The following KIRREL3 variants were observed in gnomAD, a reference collection of about 807,000 sequenced individuals.
KIRREL3 encodes kirre like nephrin family adhesion molecule 3, also known as kin of IRRE-like protein 3.
KIRREL3 carries 36 observed loss-of-function variants against 89.7 expected under a neutral mutation model. That is an observed-to-expected ratio of 0.40 (90% CI 0.31 to 0.53). The LOEUF is 0.53. Ranked by LOEUF, KIRREL3 falls within the 20% of genes least tolerant of loss-of-function variation. The pLI is 0.49. For synonymous variants in KIRREL3, 445 were observed against 441.4 expected, an observed-to-expected ratio of 1.01 and a Z score of -0.10; for missense variants, 864 against 1,056.6, an observed-to-expected ratio of 0.82 and a Z score of 2.53.
chr11:126,836,103 C>T (rs1214128818), intron 1 of KIRREL3, among the ~76,000 whole-genome samples: 1 of 152,200 alleles, frequency 6.6e-6, no homozygotes, highest in Non-Finnish European at 1.5e-5. Flanking sequence ...TGTTCTTCTT[C>T]CTGTAGCTTA....
intron 1 of KIRREL3, among the ~76,000 whole-genome samples, chr11:126,927,286 AAC>A (rs1335366912): frequency 6.6e-6 from 1 of 152,178 alleles, no homozygotes; most frequent in Non-Finnish European, 1.5e-5. Context: ...ACATGCACAC[AAC>A]ACACTATGCA....
chr11:126,480,601 G>A (rs538236098), intron 4 of KIRREL3, among the ~76,000 whole-genome samples: 2 of 152,352 alleles, frequency 1.3e-5, no homozygotes, highest in East Asian at 3.9e-4. Flanking sequence ...CCCTGCAGCT[G>A]CAGCAGCCCT....
At chr11:126,986,096 G>T (rs1478504287) in intron 1 of KIRREL3, among the ~76,000 whole-genome samples, 2 of 152,110 alleles carry the variant, frequency 1.3e-5, no homozygotes, top group Non-Finnish European at 2.9e-5. Flanking sequence ...GATGCACACA[G>T]GGTGTACACG....
Position 126,767,867 on chromosome 11 carries a change from G to A in KIRREL3, c.56-204955C>T, listed in dbSNP as rs563037592. On this transcript the variant is annotated intron_variant, in intron 1 of 16. Transcript: ENST00000525144. Reference sequence around the variant, plus strand: ...GCTGACAATTTGATTGGTGAGATAAGGTTCAGGCATAAGAAATTGTCAGAA... The same window carrying A: ...GCTGACAATTTGATTGGTGAGATAAAGTTCAGGCATAAGAAATTGTCAGAA... Among the ~76,000 whole-genome samples, 5 of 152,292 alleles carry A rather than the reference G, an allele frequency of 3.3e-5. No homozygotes were observed. In the East Asian group the frequency reaches 9.7e-4, roughly 29 times the overall value.
rs775240672 is a variant in KIRREL3, at chr11:126,709,702, G to C, written c.56-146790C>G. On this transcript the variant is annotated intron_variant, in intron 1 of 16. Transcript: ENST00000525144. The surrounding 1 kb of genome is among the most constrained non-coding windows in gnomAD (Gnocchi z 4.0). Reference sequence around the variant, plus strand: ...CATCTATAAGCCAAGGGGAGGCCTCGGGAGAAACCAACCCTGTAGACACCT... The same window carrying C: ...CATCTATAAGCCAAGGGGAGGCCTCCGGAGAAACCAACCCTGTAGACACCT... Among the ~76,000 whole-genome samples, 5 of 152,136 alleles carry C rather than the reference G, an allele frequency of 3.3e-5. No individual in the cohort carries two copies. The highest frequency in any genetic ancestry group is 1.2e-4 in the African/African-American group (5 of 41,402).
chr11:126,430,052 T>A lies in KIRREL3; in HGVS notation c.1697-764A>T, dbSNP rs1955071604. Among the ~76,000 whole-genome samples, 1 of 151,856 alleles carries A rather than the reference T, an allele frequency of 6.6e-6. No homozygotes were observed. Among genetic ancestry groups the A allele is most frequent in the Non-Finnish European group, 1.5e-5 (1 of 68,004 alleles). On this transcript the variant is annotated intron_variant, in intron 14 of 16. Transcript: ENST00000525144. The surrounding 1 kb of genome is among the most constrained non-coding windows in gnomAD (Gnocchi z 6.6). ...CGGGAGGCTGAGCATGAGACTCGCT[T>A]GAATGAACCCGGGAGGCAGCGGCTG...
chr11:126,515,184 G>T lies in KIRREL3; in HGVS notation c.433+6131C>A, dbSNP rs910171705. Among the ~76,000 whole-genome samples the T allele has an allele frequency of 7.2e-5, 11 of 152,196 alleles. No homozygotes were observed. ...CGCCTGTAATCTCAGCATTTTAGGA[G>T]GCTGAGTTGGGTGGATCCCTTGAGC... On this transcript the variant is annotated intron_variant, in intron 4 of 16. Transcript: ENST00000525144. This position sits in a 1 kb window ranked among gnomAD's most constrained non-coding sequence, Gnocchi z 4.2.
intron 1 of KIRREL3, among the ~76,000 whole-genome samples, chr11:126,818,231 G>A (rs1046614946): frequency 6.6e-6 from 1 of 152,184 alleles, no homozygotes; most frequent in Non-Finnish European, 1.5e-5. Context: ...GAAAGGAAAG[G>A]CACAGATTAT....
rs1958529156 is a variant in KIRREL3, at chr11:126,519,853, G to A, written c.433+1462C>T. On this transcript the variant is annotated intron_variant, in intron 4 of 16. Transcript: ENST00000525144. The surrounding 1 kb of genome is among the most constrained non-coding windows in gnomAD (Gnocchi z 4.3). ...TCATTCTCATTTTAGTCACCGTCTT[G>A]GGAGAAATGAGAACGGCGCTGCTGC... Among the ~76,000 whole-genome samples the A allele has an allele frequency of 6.6e-6, 1 of 152,148 alleles. No homozygotes were observed. The highest frequency in any genetic ancestry group is 2.1e-4 in the South Asian group (1 of 4,832).
chr11:126,684,991 T>G lies in KIRREL3; in HGVS notation c.56-122079A>C, dbSNP rs1301424847. On this transcript the variant is annotated intron_variant, in intron 1 of 16. Coordinates refer to ENST00000525144, the MANE Select transcript of KIRREL3 (RefSeq NM_032531.4). The surrounding 1 kb of genome is among the most constrained non-coding windows in gnomAD (Gnocchi z 4.2). ...CTCCCTCATTTCTGGCTTCCCTCTT[T>G]TTCTCCTTCCTCTTCTCCTCCTCTA... 1.3e-5 allele frequency among the ~76,000 whole-genome samples: 2 copies of G among 152,178 alleles called. No homozygotes were observed. The highest frequency in any genetic ancestry group is 2.9e-5 in the Non-Finnish European group (2 of 68,024).
intron 1 of KIRREL3, among the ~76,000 whole-genome samples, chr11:126,938,860 A>C (rs1948315660): frequency 6.6e-6 from 1 of 152,012 alleles, no homozygotes; most frequent in African/African-American, 2.4e-5. Flanking sequence ...TCTTCCAGAG[A>C]GTGGGTAACA....
rs1229359237 is a variant in KIRREL3 at position 126,640,885 on chromosome 11, T to A, written c.56-77973A>T. On this transcript the variant is annotated intron_variant, in intron 1 of 16. Coordinates refer to ENST00000525144, the MANE Select transcript of KIRREL3 (RefSeq NM_032531.4). This position sits in a 1 kb window ranked among gnomAD's most constrained non-coding sequence, Gnocchi z 4.9. The stretch of plus-strand genomic sequence containing the variant: ...GGAGTCCTTGGATCTCTTCTCAATC[T>A]TATGGCTTTAAACACCGACTCTACT... 6.6e-6 allele frequency among the ~76,000 whole-genome samples: 1 copy of A among 152,178 alleles called. No individual in the cohort carries two copies. The highest frequency in any genetic ancestry group is 1.9e-4 in the East Asian group (1 of 5,196).
rs1946512063 is a variant in KIRREL3 at position 126,904,865 on chromosome 11, G to T, written c.55+95590C>A. The stretch of plus-strand genomic sequence containing the variant: ...CCCAGAGAAGAGAAACTGTAAAAAT[G>T]TTCTTTGATGGTATCTAGGACAACT... On this transcript the variant is annotated intron_variant, in intron 1 of 16. Coordinates refer to ENST00000525144, the MANE Select transcript of KIRREL3 (RefSeq NM_032531.4). This position sits in a 1 kb window ranked among gnomAD's most constrained non-coding sequence, Gnocchi z 4.4. 6.6e-6 allele frequency among the ~76,000 whole-genome samples: 1 copy of T among 152,142 alleles called. No individual in the cohort carries two copies. The highest frequency in any genetic ancestry group is 1.5e-5 in the Non-Finnish European group (1 of 68,018).
At chr11:126,825,847 A>C (rs546962244) in intron 1 of KIRREL3, among the ~76,000 whole-genome samples, 1 of 152,214 alleles carries the variant, frequency 6.6e-6, no homozygotes, top group Admixed American at 6.5e-5. Flanking sequence ...AACTTGCCCA[A>C]GGTCACACAA....
chr11:126,696,260 T>TAA lies in KIRREL3; in HGVS notation c.56-133350_56-133349dup, dbSNP rs569075769. 2.3e-5 allele frequency among the ~76,000 whole-genome samples: 3 copies of TAA among 130,688 alleles called. No homozygotes were observed. Among genetic ancestry groups the TAA allele is most frequent in the East Asian group, 2.2e-4 (1 of 4,530 alleles). 85.7% of individuals were successfully genotyped at this position (130,688 alleles called of 152,430 possible). On this transcript the variant is annotated intron_variant, in intron 1 of 16. Transcript: ENST00000525144. This position sits in a 1 kb window ranked among gnomAD's most constrained non-coding sequence, Gnocchi z 4.4. ...CCACTGAGCGAGACTCTATCTCAAT[T>TAA]AAAAAAAAAAAAAAAAGCCTGGATG...
At chr11:126,804,154 G>A (rs992529367) in intron 1 of KIRREL3, among the ~76,000 whole-genome samples, 3 of 152,158 alleles carry the variant, frequency 2.0e-5, no homozygotes, top group Non-Finnish European at 2.9e-5. Context: ...CCCAGTCAAT[G>A]GCCAGCAACA....
In KIRREL3 at chr11:126,908,440, C is replaced by T. The variant is rs924307772; in HGVS notation, c.55+92015G>A. Among the ~76,000 whole-genome samples, 6 of 152,190 alleles carry T rather than the reference C, an allele frequency of 3.9e-5. No individual in the cohort carries two copies. The highest frequency in any genetic ancestry group is 8.8e-5 in the Non-Finnish European group (6 of 68,040). On this transcript the variant is annotated intron_variant, in intron 1 of 16. Transcript: ENST00000525144. This position sits in a 1 kb window ranked among gnomAD's most constrained non-coding sequence, Gnocchi z 4.2. The stretch of plus-strand genomic sequence containing the variant: ...GTGACTTTGGGCAAGTCACTTTAAC[C>T]TCTCTGTGCTCTGGTTTTCTCATAT...
chr11:126,488,672 G>A (rs368384293), intron 4 of KIRREL3, among the ~76,000 whole-genome samples: 1 of 152,220 alleles, frequency 6.6e-6, no homozygotes, highest in African/African-American at 2.4e-5. Flanking sequence ...TGCAGATGGA[G>A]GCTCCGTGAG....
At position 126,551,788 on chromosome 11, in the gene KIRREL3, G is replaced by A. The variant is rs576868618; in HGVS notation, c.133+11047C>T. Among the ~76,000 whole-genome samples the A allele has an allele frequency of 5.3e-5, 8 of 152,128 alleles. No individual in the cohort carries two copies. The East Asian group carries it at 1.4e-3, about 26-fold the overall frequency. ...AGCCTCCTGAGTAGCTGGGATTACA[G>A]GCATGCGCCACCATGCCCGACTAAT... is the stretch of plus-strand genomic sequence containing the variant. On this transcript the variant is annotated intron_variant, in intron 2 of 16. Transcript: ENST00000525144. The surrounding 1 kb of genome is among the most constrained non-coding windows in gnomAD (Gnocchi z 4.9).
Sources: gnomAD v4.1 joint callset for allele counts (sites outside exome capture counted in the v4.1 genomes callset) on GRCh38, gnomAD v4.1.1 for gene constraint, Gnocchi (gnomAD v3.1) non-coding constraint, MANE v1.5 for transcripts, NCBI Gene and HGNC (gene_info 2026-07-23, HGNC 2026-07-21) for gene names.